Variants in TM4SF19 observed in about 807,000 individuals in gnomAD.
TM4SF19 encodes the protein transmembrane 4 L six family member 19.
A neutral mutation model predicts 21.8 loss-of-function variants in TM4SF19; 17 were observed. That is an observed-to-expected ratio of 0.78 (90% CI 0.53 to 1.17). TM4SF19 has a LOEUF of 1.17. TM4SF19 is among the 50% of genes most tolerant of loss of function. The pLI is 0.00. For synonymous variants in TM4SF19, 107 were observed against 106.7 expected, an observed-to-expected ratio of 1.00 and a Z score of -0.02; for missense variants, 216 against 252.1, an observed-to-expected ratio of 0.86 and a Z score of 0.97.
intron 1 of TM4SF19, among the ~76,000 whole-genome samples, chr3:196,336,916 C>T (rs1353346590): frequency 6.6e-6 from 1 of 152,140 alleles, no homozygotes; most frequent in African/African-American, 2.4e-5. Flanking sequence ...ATTCTTCCTT[C>T]AGTCGGATAT....
At chr3:196,333,791 G>A (rs1404017912) in intron 1 of TM4SF19, among the ~76,000 whole-genome samples, 1 of 152,226 alleles carries the variant, frequency 6.6e-6, no homozygotes, top group Non-Finnish European at 1.5e-5. Flanking sequence ...GCCAGGTGCA[G>A]TAGTTCACGC....
In TM4SF19 at chr3:196,327,513, G is replaced by A; in HGVS notation, c.78C>T (p.Ala26=). 1.9e-6 allele frequency: 3 copies of A among 1,614,090 alleles called. No homozygotes were observed. The South Asian group carries it at 3.3e-5, about 18-fold the overall frequency. The change falls in exon 2 of 5, where the codon GCC becomes GCT. Residue 26 remains alanine (A), a synonymous_variant. Coordinates refer to ENST00000273695, the MANE Select transcript of TM4SF19 (RefSeq NM_138461.4). The stretch of plus-strand genomic sequence containing the variant: ...CCACGTTGGCCCCAGCAGCAAACAG[G>A]GCTGCAGTCCCAAGGCTCAGTCCCA... ...RILGLSLGTA[A]LFAAGANVAL...
intron 1 of TM4SF19, among the ~76,000 whole-genome samples, chr3:196,336,475 A>G (rs556312893): frequency 6.6e-6 from 1 of 152,356 alleles, no homozygotes; most frequent in Admixed American, 6.5e-5. Flanking sequence ...AATGATGGAC[A>G]GCGAGGGAAA....
rs1727263941 is a variant in TM4SF19 at position 196,325,844 on chromosome 3, T to G, written c.279+1111A>C. On this transcript the variant is annotated intron_variant, in intron 3 of 4. Coordinates refer to ENST00000273695, the MANE Select transcript of TM4SF19 (RefSeq NM_138461.4). The surrounding 1 kb of genome is among the most constrained non-coding windows in gnomAD (Gnocchi z 4.3). ...TCTGGGGAGGGAGCCCAGCAATCCG[T>G]GTTCCGGCAAAAGCCCTCCAGGTGA... 6.6e-6 allele frequency among the ~76,000 whole-genome samples: 1 copy of G among 152,188 alleles called. No individual in the cohort carries two copies. The highest frequency in any genetic ancestry group is 1.5e-5 in the Non-Finnish European group (1 of 68,036).
At chr3:196,330,729 G>A (rs1282083941) in intron 1 of TM4SF19, among the ~76,000 whole-genome samples, 1 of 152,174 alleles carries the variant, frequency 6.6e-6, no homozygotes, top group African/African-American at 2.4e-5. Flanking sequence ...TGGGGCATGG[G>A]AAGCTTTCTG....
chr3:196,324,766 T>C, intron 3 of TM4SF19: 1 of 278,884 alleles, frequency 3.6e-6, no homozygotes, highest in Non-Finnish European at 6.8e-6. Flanking sequence ...ATCACAAACC[T>C]TTTGCACATT....
At chr3:196,338,081 A>T (rs1426774039) in intron 1 of TM4SF19, among the ~76,000 whole-genome samples, 183 bp downstream of exon 1, 1 of 152,226 alleles carries the variant, frequency 6.6e-6, no homozygotes, top group East Asian at 1.9e-4. Context: ...AGGCAGGAAG[A>T]GTATTCTAGG....
rs767564293 is a variant in TM4SF19 at position 196,327,608 on chromosome 3, G to C, written c.-1-17C>G. On this transcript the variant is annotated splice_polypyrimidine_tract_variant and intron_variant, in intron 1 of 4. Transcript: ENST00000273695. ...GACACCATCCTGGAACAGATAGAAA[G>C]GGAGTCGCAGCAGCTCTGCTGTGGG... 1 of 1,608,218 alleles carries C rather than the reference G, an allele frequency of 6.2e-7. No individual in the cohort carries two copies. Among genetic ancestry groups the C allele is most frequent in the East Asian group, 2.2e-5 (1 of 44,830 alleles).
rs767632606 is a variant in TM4SF19 at position 196,326,954 on chromosome 3, C to T, written c.279+1G>A. ...TTAGAAGAGTGGAATCTGGTGCTTA[C>T]GCTTCGACAGAGCCCACTCTTACTG... On this transcript the variant is annotated splice_donor_variant, in intron 3 of 4. Coordinates refer to ENST00000273695, the MANE Select transcript of TM4SF19 (RefSeq NM_138461.4). LOFTEE classifies it high-confidence loss of function. 7.5e-6 allele frequency: 12 copies of T among 1,608,362 alleles called. No homozygotes were observed. The highest frequency in any genetic ancestry group is 1.3e-5 in the African/African-American group (1 of 74,804).
chr3:196,326,886 C>G (rs1429009718), intron 3 of TM4SF19, 69 bp downstream of exon 3: 3 of 1,422,228 alleles, frequency 2.1e-6, no homozygotes, highest in Non-Finnish European at 2.9e-6. Flanking sequence ...TGCCTCTTTA[C>G]CGCCCTGCCT....
chr3:196,323,779 A>G lies in TM4SF19; in HGVS notation c.*38T>C, dbSNP rs1727161574. 6.2e-7 allele frequency: 1 copy of G among 1,614,150 alleles called. No individual in the cohort carries two copies. Among genetic ancestry groups the G allele is most frequent in the East Asian group, 2.2e-5 (1 of 44,884 alleles). On this transcript the variant is annotated 3_prime_UTR_variant, in exon 5 of 5. Coordinates refer to ENST00000273695, the MANE Select transcript of TM4SF19 (RefSeq NM_138461.4). ...TAGAAAGGATTCAAGACAGCCGATG[A>G]TGAAAACACCCATGCTTGCAAGTGA...
At chr3:196,332,676 G>A (rs1218584892) in intron 1 of TM4SF19, among the ~76,000 whole-genome samples, 1 of 151,460 alleles carries the variant, frequency 6.6e-6, no homozygotes, top group African/African-American at 2.4e-5. Flanking sequence ...GAGCTCCAGC[G>A]GATACCTGAA....
chr3:196,335,792 G>C (rs1438654108), intron 1 of TM4SF19, among the ~76,000 whole-genome samples: 1 of 152,054 alleles, frequency 6.6e-6, no homozygotes, highest in Non-Finnish European at 1.5e-5. Flanking sequence ...TCCTCCCTCC[G>C]AGACGGTCCC....
rs1004536305 is a variant in TM4SF19, at chr3:196,327,521, T to C, written c.70A>G (p.Thr24Ala). Residue 24 changes from threonine (T) to alanine (A), a missense_variant, in exon 2 of 5, where the codon ACT becomes GCT. Coordinates refer to ENST00000273695, the MANE Select transcript of TM4SF19 (RefSeq NM_138461.4). ...CSRILGLSLG[T>A]AALFAAGANV... ...GCCCCAGCAGCAAACAGGGCTGCAGTCCCAAGGCTCAGTCCCAGGATACGG... is the reference window on the plus strand; with the variant it reads ...GCCCCAGCAGCAAACAGGGCTGCAGCCCCAAGGCTCAGTCCCAGGATACGG... 1 of 1,614,036 alleles carries C rather than the reference T, an allele frequency of 6.2e-7. No homozygotes were observed. Among genetic ancestry groups the C allele is most frequent in the South Asian group, 1.1e-5 (1 of 91,070 alleles).
rs924522381 is a variant in TM4SF19, at chr3:196,329,178, G to A, written c.-1-1587C>T. ...AGGACGGTCTTGATCTCCTGACCTC[G>A]TGATCCGCCTGTCTCGGGCTCCCAA... On this transcript the variant is annotated intron_variant, in intron 1 of 4. Transcript: ENST00000273695. Among the ~76,000 whole-genome samples, 9 of 126,276 alleles carry A rather than the reference G, an allele frequency of 7.1e-5. 1 individual carries two copies. The highest frequency in any genetic ancestry group is 2.4e-4 in the African/African-American group (9 of 37,670). The allele number at this position is 126,276 out of a possible 152,430, so 82.8% of individuals were successfully genotyped here.
At chr3:196,331,382 A>AT (rs1727500011) in intron 1 of TM4SF19, among the ~76,000 whole-genome samples, 1 of 151,582 alleles carries the variant, frequency 6.6e-6, no homozygotes, top group Non-Finnish European at 1.5e-5. Context: ...GCGTCATGAC[A>AT]TCCCCAGGAA....
At chr3:196,335,525 G>A (rs1229781387) in intron 1 of TM4SF19, among the ~76,000 whole-genome samples, 2 of 148,226 alleles carry the variant, frequency 1.3e-5, no homozygotes, top group African/African-American at 2.5e-5. Context: ...GAGAGGTGGG[G>A]TGCCCTGAGA....
In TM4SF19 at chr3:196,333,933, C is replaced by T. The variant is rs144416630; in HGVS notation, c.-2+4331G>A. Among the ~76,000 whole-genome samples the T allele has an allele frequency of 3.6e-3, 546 of 152,022 alleles. 3 individuals are homozygous for T. Among genetic ancestry groups the T allele is most frequent in the Non-Finnish European group, 6.0e-3 (408 of 67,980 alleles). Reference sequence around the variant, plus strand: ...AAACTTAGCTGGGAATGGTGGTGTGCGCCTGTAATCCCAGCTACTCAGGAG... The same window carrying T: ...AAACTTAGCTGGGAATGGTGGTGTGTGCCTGTAATCCCAGCTACTCAGGAG... On this transcript the variant is annotated intron_variant, in intron 1 of 4. Transcript: ENST00000273695.
rs773796346 is a variant in TM4SF19, at chr3:196,324,398, C to T, written c.322G>A (p.Ala108Thr). 1.2e-6 allele frequency: 2 copies of T among 1,614,128 alleles called. No individual in the cohort carries two copies. The highest frequency in any genetic ancestry group is 2.2e-5 in the East Asian group (1 of 44,878). The change falls in exon 4 of 5, where the codon GCC (alanine) becomes ACC (threonine). Residue 108 changes from alanine (A) to threonine (T), a missense_variant. Coordinates refer to ENST00000273695, the MANE Select transcript of TM4SF19 (RefSeq NM_138461.4). ...LLSGGLALLG[A>T]LICFVTSGVA... is the part of the protein sequence containing the mutation. ...CCAGAAGTGACAAAGCAAATCAGGG[C>T]TCCAAGTAAAGCCAGGCCACCTGAC...
Sources: gnomAD v4.1 joint callset for allele counts (sites outside exome capture counted in the v4.1 genomes callset) on GRCh38, gnomAD v4.1.1 for gene constraint, Gnocchi (gnomAD v3.1) non-coding constraint, MANE v1.5 for transcripts, NCBI Gene and HGNC (gene_info 2026-07-23, HGNC 2026-07-21) for gene names.